Variants in KCNQ5 observed in about 807,000 individuals in gnomAD.
KCNQ5 encodes the protein potassium voltage-gated channel subfamily KQT member 5.
KCNQ5 carries 30 observed loss-of-function variants against 98.2 expected under a neutral mutation model. That is an observed-to-expected ratio of 0.31 (90% CI 0.23 to 0.41). The LOEUF (loss-of-function observed/expected upper bound fraction) is 0.41, where lower values mean the gene tolerates loss of function less well. Among genes scored for constraint, KCNQ5 ranks in the 10% least tolerant of loss-of-function variants. KCNQ5 has a pLI of 1.00. For synonymous variants in KCNQ5, 458 were observed against 449.4 expected (o/e 1.02, Z -0.24); for missense variants, 835 against 1,182.5 (o/e 0.71, Z 4.31).
chr6:73,152,554 T>A (rs1777194064), intron 10 of KCNQ5, among the ~76,000 whole-genome samples: 2 of 152,210 alleles, frequency 1.3e-5, no homozygotes, highest in African/African-American at 2.4e-5. Context: ...TTAATGACAA[T>A]GTTTTGAAAT....
chr6:72,890,254 C>G lies in KCNQ5; in HGVS notation c.399-113654C>G, dbSNP rs573264817. 2.0e-5 allele frequency among the ~76,000 whole-genome samples: 3 copies of G among 152,258 alleles called. No individual in the cohort carries two copies. In the South Asian group the frequency reaches 6.2e-4, roughly 32 times the overall value. On this transcript the variant is annotated intron_variant, in intron 1 of 13. Coordinates refer to ENST00000370398, the MANE Select transcript of KCNQ5 (RefSeq NM_019842.4). ...GCATATTCATCACCTGTCAAAATTA[C>G]CTTGTGTTCTTTTGTGGTTTTGTTT...
intron 1 of KCNQ5, among the ~76,000 whole-genome samples, chr6:72,891,879 C>T (rs1316385635): frequency 6.6e-6 from 1 of 152,170 alleles, no homozygotes; most frequent in Non-Finnish European, 1.5e-5. Flanking sequence ...AATGTCCACA[C>T]ATTTGGATAT....
At chr6:72,960,037 T>C (rs1404122108) in intron 1 of KCNQ5, among the ~76,000 whole-genome samples, 1 of 152,212 alleles carries the variant, frequency 6.6e-6, no homozygotes, top group East Asian at 1.9e-4. Flanking sequence ...CTATTTTGCG[T>C]ATGCTGAGTT....
intron 3 of KCNQ5, among the ~76,000 whole-genome samples, chr6:73,057,334 G>C (rs1429514523): frequency 7.6e-5 from 8 of 104,844 alleles, no homozygotes; most frequent in African/African-American, 1.1e-4. Flanking sequence ...GTCATGGGGT[G>C]GGGGGAAGGG....
intron 1 of KCNQ5, among the ~76,000 whole-genome samples, chr6:72,996,224 T>A (rs1366593826): frequency 6.6e-6 from 1 of 152,216 alleles, no homozygotes; most frequent in Non-Finnish European, 1.5e-5. Flanking sequence ...ACCAGAAGGA[T>A]CTGGGACACT....
chr6:72,825,068 A>T (rs940274004), intron 1 of KCNQ5, among the ~76,000 whole-genome samples: 1 of 151,994 alleles, frequency 6.6e-6, no homozygotes, highest in African/African-American at 2.4e-5. Flanking sequence ...CTGGGTAATG[A>T]TGTCATCTGT....
chr6:73,040,876 A>T (rs552229611), intron 2 of KCNQ5, among the ~76,000 whole-genome samples: 1 of 152,200 alleles, frequency 6.6e-6, no homozygotes, highest in Non-Finnish European at 1.5e-5. Context: ...TGCGAGTAAG[A>T]ATGGGAGAAT....
intron 1 of KCNQ5, among the ~76,000 whole-genome samples, chr6:72,951,424 C>T (rs2150254022): frequency 6.7e-6 from 1 of 148,850 alleles, no homozygotes. Context: ...ATTACAGGCA[C>T]CAACCACCAC....
intron 1 of KCNQ5, among the ~76,000 whole-genome samples, chr6:72,670,749 C>T (rs148148798): frequency 6.6e-6 from 1 of 152,118 alleles, no homozygotes; most frequent in African/African-American, 2.4e-5. Flanking sequence ...TGAGATCTCT[C>T]GTGTCTCTTC....
intron 2 of KCNQ5, among the ~76,000 whole-genome samples, chr6:73,004,317 G>A (rs1769723586): frequency 6.6e-6 from 1 of 152,170 alleles, no homozygotes; most frequent in Non-Finnish European, 1.5e-5. Flanking sequence ...AGAAGAATCA[G>A]TATCTATGAG....
intron 1 of KCNQ5, among the ~76,000 whole-genome samples, chr6:72,730,678 A>G (rs1770511445): frequency 6.6e-6 from 1 of 152,130 alleles, no homozygotes; most frequent in Non-Finnish European, 1.5e-5. Flanking sequence ...TTACATCTCT[A>G]TTCATGCAGT....
At chr6:73,087,291 T>C (rs894311911) in intron 5 of KCNQ5, among the ~76,000 whole-genome samples, 3 of 152,170 alleles carry the variant, frequency 2.0e-5, no homozygotes, top group Admixed American at 2.0e-4. Context: ...CAGGACTTGC[T>C]GATAGATTCC....
At chr6:72,803,249 C>G (rs1226375794) in intron 1 of KCNQ5, among the ~76,000 whole-genome samples, 3 of 152,120 alleles carry the variant, frequency 2.0e-5, no homozygotes, top group Non-Finnish European at 4.4e-5. Context: ...TCATTCTCAC[C>G]ATTTTAATTT....
chr6:73,039,442 T>C (rs4708012), intron 2 of KCNQ5, among the ~76,000 whole-genome samples: 101,810 of 152,068 alleles, frequency 0.67, 39,595 homozygotes, highest in Non-Finnish European at 0.88. Context: ...TCTTCATCTA[T>C]AATGTAAGCA....
intron 1 of KCNQ5, among the ~76,000 whole-genome samples, chr6:72,856,471 T>TATACAC (rs143831566): frequency 1.3e-5 from 2 of 148,910 alleles, no homozygotes; most frequent in Non-Finnish European, 1.5e-5. Flanking sequence ...CACACATATA[T>TATACAC]ACACACACAC....
At chr6:73,061,708 T>C (rs1772789811) in intron 3 of KCNQ5, among the ~76,000 whole-genome samples, 1 of 152,214 alleles carries the variant, frequency 6.6e-6, no homozygotes, top group East Asian at 1.9e-4. Context: ...ATTTCCTTAA[T>C]TTTAAACTTA....
At chr6:72,854,002 A>T (rs1388763847) in intron 1 of KCNQ5, among the ~76,000 whole-genome samples, 1 of 152,214 alleles carries the variant, frequency 6.6e-6, no homozygotes, top group Admixed American at 6.5e-5. Context: ...ACCACTTCTA[A>T]CAGGGACCAT....
intron 1 of KCNQ5, among the ~76,000 whole-genome samples, chr6:72,903,149 T>A (rs1283527560): frequency 6.6e-6 from 1 of 152,128 alleles, no homozygotes; most frequent in Non-Finnish European, 1.5e-5. Context: ...TTGAAAGATC[T>A]TTCGTATTTC....
intron 3 of KCNQ5, among the ~76,000 whole-genome samples, chr6:73,063,710 A>AGATAGATAGAT (rs1562156248): frequency 2.5e-5 from 3 of 122,436 alleles, no homozygotes; most frequent in Non-Finnish European, 3.6e-5. Context: ...ATAGATAGAT[A>AGATAGATAGAT]GATAGATAGA....
Sources: gnomAD v4.1 joint callset for allele counts (sites outside exome capture counted in the v4.1 genomes callset) on GRCh38, gnomAD v4.1.1 for gene constraint, MANE v1.5 for transcripts, NCBI Gene and HGNC (gene_info 2026-07-23, HGNC 2026-07-21) for gene names.